The following SAAL1 variants were observed in gnomAD, a reference collection of about 807,000 sequenced individuals.
SAAL1 encodes serum amyloid A like 1.
A neutral mutation model predicts 59.8 loss-of-function variants in SAAL1; 42 were observed. That is an observed-to-expected ratio of 0.70 (90% CI 0.55 to 0.91). The LOEUF (loss-of-function observed/expected upper bound fraction) is 0.91, where lower values mean the gene tolerates loss of function less well. SAAL1 is among the 40% of genes least tolerant of loss of function. The pLI, the probability that SAAL1 is intolerant of heterozygous loss-of-function variation, is 0.00. For synonymous variants in SAAL1, 191 were observed against 194.3 expected (o/e 0.98, Z 0.14); for missense variants, 542 against 561.1 (o/e 0.97, Z 0.34).
chr11:18,105,909 G>A lies in SAAL1; in HGVS notation c.133C>T (p.Gln45Ter). The part of the protein sequence containing the change: ...WLFGVLSGLI[Q>*]IVSPENTKSS... ...ACGCGTGGCGCGAGTTTCCACACCT[G>A]GATGAGTCCGCTGAGGACGCCGAAG... Residue 45 changes from glutamine (Q) to a stop codon, truncating the protein, a stop_gained and splice_region_variant, in exon 1 of 12, where the codon CAG becomes TAG. Transcript: ENST00000524803. LOFTEE classifies it high-confidence loss of function. 1.3e-6 allele frequency: 2 copies of A among 1,599,600 alleles called. No homozygotes were observed. The highest frequency in any genetic ancestry group is 1.7e-6 in the Non-Finnish European group (2 of 1,173,788).
chr11:18,088,349 A>G (rs755835826), intron 7 of SAAL1, among the ~76,000 whole-genome samples: 2 of 152,174 alleles, frequency 1.3e-5, no homozygotes, highest in Non-Finnish European at 2.9e-5. Flanking sequence ...CCCATCACCC[A>G]GGTGATGTAT....
At chr11:18,104,665 G>A (rs1341462886) in intron 1 of SAAL1, among the ~76,000 whole-genome samples, 1 of 152,132 alleles carries the variant, frequency 6.6e-6, no homozygotes, top group African/African-American at 2.4e-5. Context: ...TGTGAAGAAG[G>A]AGAGAAGTGA....
chr11:18,081,847 T>G (rs1848414316), intron 10 of SAAL1: 1 of 203,514 alleles, frequency 4.9e-6, no homozygotes, highest in Non-Finnish European at 9.9e-6. Context: ...CATTCAAACT[T>G]CCATTGTTTA....
chr11:18,084,692 C>G (rs1285513655), intron 9 of SAAL1, among the ~76,000 whole-genome samples: 1 of 152,172 alleles, frequency 6.6e-6, no homozygotes, highest in Non-Finnish European at 1.5e-5. Flanking sequence ...TAAAAATATT[C>G]AACATTCCTT....
At chr11:18,081,360 T>C (rs1485459876) in intron 11 of SAAL1, 51 bp downstream of exon 11, 2 of 1,285,598 alleles carry the variant, frequency 1.6e-6, no homozygotes, top group Non-Finnish European at 2.2e-6. Context: ...CTTGAAAACA[T>C]TTAGTAATCC....
chr11:18,090,241 C>T lies in SAAL1; in HGVS notation c.523G>A (p.Glu175Lys). Residue 175 changes from glutamate (E) to lysine (K), a missense_variant, in exon 6 of 12, where the codon GAA becomes AAA. Coordinates refer to ENST00000524803, the MANE Select transcript of SAAL1 (RefSeq NM_138421.3). ...ATAGCTGGATGTTCCTGGATCCTTT[C>T]AACCCAAACACTGGCCACTTCTGCC... Reference protein sequence around the residue: ...SQAEVASVWVERIQEHPAIYD... With the variant: ...SQAEVASVWVKRIQEHPAIYD... The T allele has an allele frequency of 6.2e-7, 1 of 1,608,304 alleles. No individual in the cohort carries two copies. Among genetic ancestry groups the T allele is most frequent in the Non-Finnish European group, 8.5e-7 (1 of 1,178,958 alleles).
At chr11:18,103,005 G>C (rs1848649798) in intron 2 of SAAL1, among the ~76,000 whole-genome samples, 1 of 152,112 alleles carries the variant, frequency 6.6e-6, no homozygotes, top group Non-Finnish European at 1.5e-5. Flanking sequence ...ACATTCATAA[G>C]AGCTACGTAT....
intron 2 of SAAL1, among the ~76,000 whole-genome samples, chr11:18,098,930 C>A (rs911024074): frequency 2.0e-5 from 3 of 152,222 alleles, no homozygotes; most frequent in African/African-American, 7.2e-5. Flanking sequence ...AAGTGGCTTG[C>A]ATGCTATCTC....
chr11:18,089,662 T>G (rs1252627801), intron 6 of SAAL1, 152 bp from the exon 7 acceptor site: 5 of 634,866 alleles, frequency 7.9e-6, no homozygotes, highest in Admixed American at 4.0e-5. Context: ...ATGTTTAAAT[T>G]TGCTTATCTT....
intron 3 of SAAL1, among the ~76,000 whole-genome samples, chr11:18,094,854 G>GA (rs1848556215): frequency 1.3e-5 from 2 of 152,240 alleles, no homozygotes; most frequent in South Asian, 4.2e-4. Flanking sequence ...ACTAAAGAGG[G>GA]AATAACTGAA....
intron 10 of SAAL1, among the ~76,000 whole-genome samples, chr11:18,083,060 A>G (rs1848427056): frequency 6.6e-6 from 1 of 152,242 alleles, no homozygotes; most frequent in East Asian, 1.9e-4. Flanking sequence ...TTCCAAATAT[A>G]TGGATAGAAA....
At chr11:18,104,947 G>C (rs11024492) in intron 1 of SAAL1, among the ~76,000 whole-genome samples, 61,993 of 151,488 alleles carry the variant, frequency 0.41, 13,188 homozygotes, top group African/African-American at 0.5. Context: ...ACAATAGGAG[G>C]AGAGGAACCA....
At chr11:18,081,329 G>T (rs1848407453) in intron 11 of SAAL1, 82 bp downstream of exon 11, 2 of 917,736 alleles carry the variant, frequency 2.2e-6, no homozygotes, top group Admixed American at 2.1e-5. Flanking sequence ...TTTTGACAAT[G>T]ACCTCGAAAT....
At chr11:18,097,558 C>T (rs903282294) in intron 2 of SAAL1, among the ~76,000 whole-genome samples, 2 of 152,272 alleles carry the variant, frequency 1.3e-5, no homozygotes, top group Non-Finnish European at 2.9e-5. Context: ...AAAAGCAACA[C>T]GCTGGGCGCA....
At chr11:18,100,129 T>G (rs1453075925) in intron 2 of SAAL1, among the ~76,000 whole-genome samples, 1 of 152,250 alleles carries the variant, frequency 6.6e-6, no homozygotes, top group Non-Finnish European at 1.5e-5. Flanking sequence ...TAAAAAAATT[T>G]GTTTAACCAT....
At chr11:18,101,217 T>C (rs564767247) in intron 2 of SAAL1, among the ~76,000 whole-genome samples, 6 of 152,236 alleles carry the variant, frequency 3.9e-5, no homozygotes, top group African/African-American at 1.2e-4. Flanking sequence ...GGAAAACAAA[T>C]TGAAAGTTTC....
At chr11:18,103,750 A>G (rs1848660069) in intron 1 of SAAL1, among the ~76,000 whole-genome samples, 1 of 152,222 alleles carries the variant, frequency 6.6e-6, no homozygotes, top group Non-Finnish European at 1.5e-5. Flanking sequence ...ATGGATGAAT[A>G]CAAATTATTA....
At chr11:18,083,439 A>C (rs7102017) in intron 10 of SAAL1, 96 bp downstream of exon 10, 254,374 of 648,952 alleles carry the variant, frequency 0.39, 52,775 homozygotes, top group African/African-American at 0.52. Context: ...TTCCCAAATT[A>C]TATATTACTT....
intron 1 of SAAL1, among the ~76,000 whole-genome samples, chr11:18,104,439 GCT>G (rs1491507911): frequency 1.6e-5 from 2 of 125,254 alleles, no homozygotes; most frequent in Non-Finnish European, 3.5e-5. Context: ...TTACATTTAA[GCT>G]TTTTTTTTTT....
Sources: gnomAD v4.1 joint callset for allele counts (sites outside exome capture counted in the v4.1 genomes callset) on GRCh38, gnomAD v4.1.1 for gene constraint, MANE v1.5 for transcripts, NCBI Gene and HGNC (gene_info 2026-07-23, HGNC 2026-07-21) for gene names.